Variants in RAB5A observed in about 807,000 individuals in gnomAD.
RAB5A encodes the protein ras-related protein Rab-5A.
RAB5A carries 8 observed loss-of-function variants against 25.7 expected under a neutral mutation model. That is an observed-to-expected ratio of 0.31 (90% CI 0.18 to 0.56). The LOEUF is 0.56. Ranked by LOEUF, RAB5A falls within the 20% of genes least tolerant of loss-of-function variation. The pLI is 0.91. For synonymous variants in RAB5A, 98 were observed against 89.8 expected (o/e 1.09, Z -0.52); for missense variants, 192 against 259.7 (o/e 0.74, Z 1.79).
Position 19,984,545 on chromosome 3 carries a change from A to T in RAB5A, c.*722A>T, listed in dbSNP as rs1278844054. 5.6e-6 allele frequency: 1 copy of T among 179,108 alleles called. No homozygotes were observed. The highest frequency in any genetic ancestry group is 2.4e-5 in the African/African-American group (1 of 41,592). 11.1% of individuals were successfully genotyped at this position (179,108 alleles called of 1,614,324 possible). On this transcript the variant is annotated 3_prime_UTR_variant, in exon 6 of 6. Coordinates refer to ENST00000273047, the MANE Select transcript of RAB5A (RefSeq NM_004162.5). ...GTGAGTTCTTTAACAAAAATGAAAT[A>T]AACCAGGTGTCTGTGATTTCTAATT...
chr3:19,950,053 A>T (rs573641125), intron 1 of RAB5A, among the ~76,000 whole-genome samples: 13 of 152,300 alleles, frequency 8.5e-5, no homozygotes, highest in East Asian at 3.9e-4. Context: ...AAATTTTTTT[A>T]AAAATGGCAT....
chr3:19,975,542 C>T, intron 2 of RAB5A, 59 bp from the exon 3 acceptor site: 1 of 1,536,420 alleles, frequency 6.5e-7, no homozygotes, highest in Non-Finnish European at 8.9e-7. Flanking sequence ...CAGGTGTTTT[C>T]TATATTATGA....
intron 2 of RAB5A, among the ~76,000 whole-genome samples, chr3:19,969,896 C>T (rs1284997409): frequency 6.6e-6 from 1 of 152,160 alleles, no homozygotes; most frequent in African/African-American, 2.4e-5. Context: ...CTCTGCCTCC[C>T]GGGTTCAAGT....
chr3:19,952,260 A>G (rs17006418), intron 2 of RAB5A, among the ~76,000 whole-genome samples: 3,984 of 152,304 alleles, frequency 0.026, 161 homozygotes, highest in African/African-American at 0.09. Flanking sequence ...CCTCTGTTTC[A>G]TCTGTGAAAT....
intron 2 of RAB5A, among the ~76,000 whole-genome samples, chr3:19,963,001 G>C (rs957950741): frequency 3.9e-5 from 6 of 152,036 alleles, no homozygotes; most frequent in South Asian, 2.1e-4. Context: ...TTGTAGAGAA[G>C]GGTTCTCATG....
At chr3:19,982,636 C>G (rs1175878903) in intron 5 of RAB5A, among the ~76,000 whole-genome samples, 1 of 151,826 alleles carries the variant, frequency 6.6e-6, no homozygotes, top group Non-Finnish European at 1.5e-5. Flanking sequence ...GTTGCTTGAG[C>G]CCAAGAGTTC....
intron 4 of RAB5A, 144 bp from the exon 5 acceptor site, chr3:19,978,163 CTTA>C: frequency 1.5e-6 from 1 of 650,458 alleles, no homozygotes; most frequent in Non-Finnish European, 2.8e-6. Context: ...TCTGTTGTAG[CTTA>C]TTATATAGTT....
intron 2 of RAB5A, among the ~76,000 whole-genome samples, chr3:19,974,674 C>G (rs773509292): frequency 2.0e-5 from 3 of 148,280 alleles, no homozygotes; most frequent in Admixed American, 6.8e-5. Context: ...AATCTCAGCA[C>G]TTTTGGGAGG....
At chr3:19,977,217 C>T (rs902890773) in intron 4 of RAB5A, among the ~76,000 whole-genome samples, 4 of 152,048 alleles carry the variant, frequency 2.6e-5, no homozygotes, top group Admixed American at 1.3e-4. Flanking sequence ...GGACTACAGG[C>T]GCCCACCACC....
chr3:19,949,687 T>A (rs1696394376), intron 1 of RAB5A, among the ~76,000 whole-genome samples: 1 of 152,192 alleles, frequency 6.6e-6, no homozygotes, highest in South Asian at 2.1e-4. Context: ...CCTTAGAGAT[T>A]AAAAATTAGC....
At chr3:19,957,068 T>C (rs898173388) in intron 2 of RAB5A, among the ~76,000 whole-genome samples, 2 of 147,332 alleles carry the variant, frequency 1.4e-5, no homozygotes, top group African/African-American at 5.4e-5. Flanking sequence ...TGGGACTGAC[T>C]ATAGGCATGC....
At chr3:19,961,412 G>T (rs189946101) in intron 2 of RAB5A, among the ~76,000 whole-genome samples, 3 of 151,696 alleles carry the variant, frequency 2.0e-5, no homozygotes, top group Admixed American at 2.0e-4. Flanking sequence ...AGAAAATTTG[G>T]CTCATAGTTA....
intron 2 of RAB5A, among the ~76,000 whole-genome samples, chr3:19,966,636 A>G (rs561584451): frequency 5.1e-4 from 77 of 152,286 alleles, no homozygotes; most frequent in African/African-American, 1.6e-3. Flanking sequence ...ACCAGCTGCA[A>G]AGCAGTTCCA....
At chr3:19,983,424 T>C (rs1696970993) in intron 5 of RAB5A, among the ~76,000 whole-genome samples, 1 of 151,302 alleles carries the variant, frequency 6.6e-6, no homozygotes, top group African/African-American at 2.4e-5. Flanking sequence ...TGAATCGGTA[T>C]AGAGAATTAC....
chr3:19,976,074 G>A lies in RAB5A; in HGVS notation c.343G>A (p.Val115Ile). ...EESFARAKNW[V>I]KELQRQASPN... ...GTCCTTTGCAAGAGCAAAAAATTGGGTTAAAGAACTTCAGAGGCAAGCAAG... is the reference window on the plus strand; with the variant it reads ...GTCCTTTGCAAGAGCAAAAAATTGGATTAAAGAACTTCAGAGGCAAGCAAG... The change falls in exon 4 of 6, where the codon GTT becomes ATT. Residue 115 changes from valine to isoleucine, a missense_variant. Coordinates refer to ENST00000273047, the MANE Select transcript of RAB5A (RefSeq NM_004162.5). 1.2e-6 allele frequency: 2 copies of A among 1,612,548 alleles called. No homozygotes were observed. The highest frequency in any genetic ancestry group is 1.7e-6 in the Non-Finnish European group (2 of 1,179,490).
At chr3:19,970,406 T>C in intron 2 of RAB5A, 1 of 374,496 alleles carries the variant, frequency 2.7e-6, no homozygotes. Flanking sequence ...TTTGTAGTTT[T>C]GCTGAGGCTG....
At chr3:19,965,928 A>C (rs1001654662) in intron 2 of RAB5A, among the ~76,000 whole-genome samples, 2 of 151,934 alleles carry the variant, frequency 1.3e-5, no homozygotes, top group African/African-American at 4.8e-5. Flanking sequence ...CGATTTCTCC[A>C]TGTTGCCCGG....
At chr3:19,962,030 G>C (rs1297937784) in intron 2 of RAB5A, among the ~76,000 whole-genome samples, 1 of 152,080 alleles carries the variant, frequency 6.6e-6, no homozygotes, top group Non-Finnish European at 1.5e-5. Context: ...AGTTCATTAC[G>C]GGGCAAGAAT....
chr3:19,953,265 T>C (rs1696450267), intron 2 of RAB5A, among the ~76,000 whole-genome samples: 1 of 152,178 alleles, frequency 6.6e-6, no homozygotes, highest in African/African-American at 2.4e-5. Flanking sequence ...ATCTCTGATA[T>C]GTGTGTATCT....
Sources: allele counts gnomAD v4.1 joint callset (sites outside exome capture counted in the v4.1 genomes callset), GRCh38; gene constraint gnomAD v4.1.1; transcripts MANE v1.5; gene names NCBI Gene and HGNC (gene_info 2026-07-23, HGNC 2026-07-21).